Variants in ARHGAP36 observed in about 807,000 individuals in gnomAD.
ARHGAP36 encodes the protein rho GTPase-activating protein 36.
In ARHGAP36, 7 loss-of-function variants were observed where a neutral mutation model predicts 32.9. The observed-to-expected ratio is 0.21, with a 90% CI of 0.12 to 0.40. The LOEUF (loss-of-function observed/expected upper bound fraction) is 0.40, where lower values mean the gene tolerates loss of function less well. Ranked by LOEUF, ARHGAP36 falls within the 10% of genes least tolerant of loss-of-function variation. ARHGAP36 has a pLI of 1.00. For synonymous variants in ARHGAP36, 165 were observed against 168.3 expected (o/e 0.98, Z 0.15); for missense variants, 383 against 442.2 (o/e 0.87, Z 1.20).
intron 2 of ARHGAP36, 131 bp from the exon 3 acceptor site, chrX:131,083,034 T>G: frequency 1.7e-6 from 1 of 575,830 alleles, no homozygotes; most frequent in Admixed American, 3.5e-5. Context: ...AGCAAATTAC[T>G]TTTCGCCCGC....
chrX:131,064,413 A>G (rs953958726), intron 1 of ARHGAP36, among the ~76,000 whole-genome samples: 1 of 111,798 alleles, frequency 8.9e-6, no homozygotes, highest in Non-Finnish European at 1.9e-5. Context: ...GAAAATTGGC[A>G]GTTTAGTCAG....
Position 131,086,444 on chromosome X carries a change from T to C in ARHGAP36, c.1379+18T>C, listed in dbSNP as rs2079836018. The C allele has an allele frequency of 8.3e-7, 1 of 1,205,636 alleles. No individual in the cohort carries two copies. On this transcript the variant is annotated intron_variant, in intron 10 of 11. Coordinates refer to ENST00000276211, the MANE Select transcript of ARHGAP36 (RefSeq NM_144967.4). ...AAGATCCAGTGAGTGTTTTTTGGGTTTGTTTATGCTTAGCCTGAAGTACCT... is the reference window on the plus strand; with the variant it reads ...AAGATCCAGTGAGTGTTTTTTGGGTCTGTTTATGCTTAGCCTGAAGTACCT...
At chrX:131,069,855 A>G (rs2079723902) in intron 1 of ARHGAP36, among the ~76,000 whole-genome samples, 1 of 111,913 alleles carries the variant, frequency 8.9e-6, no homozygotes, top group Admixed American at 9.4e-5. Context: ...CAGAGATGCC[A>G]CAGTAATATT....
intron 7 of ARHGAP36, 80 bp downstream of exon 7, chrX:131,085,144 G>C (rs1466318910): frequency 2.3e-5 from 24 of 1,034,661 alleles, no homozygotes; most frequent in Non-Finnish European, 3.0e-5. Flanking sequence ...CAGAGCTCAG[G>C]CTGGAGGACT....
chrX:131,060,850 T>C (rs190104749), intron 1 of ARHGAP36, among the ~76,000 whole-genome samples: 1 of 112,541 alleles, frequency 8.9e-6, no homozygotes, highest in Non-Finnish European at 1.9e-5. Flanking sequence ...AAATAAATAA[T>C]CTTTGGGTAG....
chrX:131,077,781 ATATATATATATATATATATATATATT>A (rs1330013507), intron 1 of ARHGAP36, among the ~76,000 whole-genome samples: 1 of 16,355 alleles, frequency 6.1e-5, no homozygotes, highest in African/African-American at 2.0e-4. Flanking sequence ...ATATATATAT[ATATATATATATATATATATATATATT>A]GCTAGTGACA....
intron 1 of ARHGAP36, among the ~76,000 whole-genome samples, chrX:131,063,809 AGAGG>A (rs1433529555): frequency 2.9e-5 from 3 of 103,840 alleles, no homozygotes; most frequent in Non-Finnish European, 3.9e-5. Flanking sequence ...TTTTGTCTCT[AGAGG>A]GAGGCAAAAG....
chrX:131,080,932 C>A (rs899626517), intron 1 of ARHGAP36, among the ~76,000 whole-genome samples: 1 of 111,636 alleles, frequency 9.0e-6, no homozygotes, highest in Non-Finnish European at 1.9e-5. Flanking sequence ...TAATACAATT[C>A]TGTGTTTTGT....
At chrX:131,084,040 C>G in intron 4 of ARHGAP36, 71 bp downstream of exon 4, 1 of 1,123,803 alleles carries the variant, frequency 8.9e-7, no homozygotes, top group Non-Finnish European at 1.2e-6. Context: ...GCCGGAGGAT[C>G]AAGGCCTGTG....
chrX:131,077,807 T>A (rs868230502), intron 1 of ARHGAP36, among the ~76,000 whole-genome samples: 76 of 87,988 alleles, frequency 8.6e-4, no homozygotes, highest in African/African-American at 4.3e-3. Flanking sequence ...ATATATATAT[T>A]GCTAGTGACA....
At chrX:131,067,971 G>T (rs951304305) in intron 1 of ARHGAP36, among the ~76,000 whole-genome samples, 1 of 110,691 alleles carries the variant, frequency 9.0e-6, no homozygotes, top group Non-Finnish European at 1.9e-5. Context: ...TCCACACATT[G>T]CACACACATA....
intron 5 of ARHGAP36, 69 bp downstream of exon 5, chrX:131,084,476 G>T: frequency 8.7e-7 from 1 of 1,153,019 alleles, no homozygotes. Context: ...CTGGAAATGG[G>T]GGGAGAAAAG....
At position 131,088,666 on chromosome X, in the gene ARHGAP36, C is replaced by T. The variant is rs763043067; in HGVS notation, c.1525C>T (p.Arg509Cys). 6 of 1,211,279 alleles carry T rather than the reference C, an allele frequency of 5.0e-6. No individual in the cohort carries two copies. The highest frequency in any genetic ancestry group is 5.9e-5 in the East Asian group (2 of 33,819). ...GCCAGCTGTGCCTTCCGGCACTGCC[C>T]GTTCCCATGACGATGAGGAAGGAGC... ...EEPAVPSGTA[R>C]SHDDEEGAGN... Residue 509 changes from arginine (R) to cysteine (C), a missense_variant, in exon 12 of 12, where the codon CGT becomes TGT. Physicochemically the swap from Arg to Cys is radical, Grantham distance 180 (BLOSUM62 -3). Transcript: ENST00000276211.
At chrX:131,073,533 G>C (rs192377559) in intron 1 of ARHGAP36, among the ~76,000 whole-genome samples, 4 of 113,157 alleles carry the variant, frequency 3.5e-5, no homozygotes, top group East Asian at 2.8e-4. Flanking sequence ...GAGGGGCTTG[G>C]GGGTGGTGGG....
chrX:131,058,357 C>T lies in ARHGAP36; in HGVS notation c.-230C>T. 8.9e-7 allele frequency: 1 copy of T among 1,126,437 alleles called. No individual in the cohort carries two copies. Among genetic ancestry groups the T allele is most frequent in the East Asian group, 3.7e-5 (1 of 27,250 alleles). 92.8% of individuals were successfully genotyped at this position (1,126,437 alleles called of 1,213,427 possible). The stretch of plus-strand genomic sequence containing the variant: ...GTGCGGGGGACGACGCAAAGGTTAA[C>T]TGCGAGCTGCCGGGCACTCAGCGCG... On this transcript the variant is annotated 5_prime_UTR_variant, in exon 1 of 12. Transcript: ENST00000276211.
chrX:131,070,394 G>A (rs2079727613), intron 1 of ARHGAP36, among the ~76,000 whole-genome samples: 1 of 111,960 alleles, frequency 8.9e-6, no homozygotes, highest in African/African-American at 3.3e-5. Flanking sequence ...GATGAGGCAG[G>A]AGCCTGAGCC....
chrX:131,086,714 T>C (rs2079837561), intron 11 of ARHGAP36, 49 bp downstream of exon 11: 1 of 1,129,573 alleles, frequency 8.9e-7, no homozygotes, highest in Non-Finnish European at 1.2e-6. Context: ...CAGTCCCTTG[T>C]TGAAGGTCAG....
chrX:131,072,515 G>A (rs1412865248), intron 1 of ARHGAP36, among the ~76,000 whole-genome samples: 2 of 112,396 alleles, frequency 1.8e-5, no homozygotes, highest in Non-Finnish European at 3.8e-5. Context: ...TGTGTGCTGA[G>A]CTGGGATCCA....
At position 131,081,860 on chromosome X, in the gene ARHGAP36, G is replaced by A; in HGVS notation, c.195G>A (p.Glu65=). ...AGCTGGAGCGTCTGAAGCTGCAAGA[G>A]ACTGCTTACCACGAACTCGTGGCCA... The part of the protein sequence containing the change: ...LSELERLKLQ[E]TAYHELVARH... The change falls in exon 2 of 12, where the codon GAG becomes GAA. Residue 65 remains glutamate, a synonymous_variant. Transcript: ENST00000276211. 1 of 1,212,109 alleles carries A rather than the reference G, an allele frequency of 8.3e-7. No homozygotes were observed. The highest frequency in any genetic ancestry group is 1.7e-5 in the African/African-American group (1 of 57,903).
Sources: gnomAD v4.1 joint callset for allele counts (sites outside exome capture counted in the v4.1 genomes callset) on GRCh38, gnomAD v4.1.1 for gene constraint, MANE v1.5 for transcripts, NCBI Gene and HGNC (gene_info 2026-07-23, HGNC 2026-07-21) for gene names.